FBLN7: variants seen among roughly 807,000 people sequenced by gnomAD.
The protein encoded by FBLN7 is fibulin 7.
FBLN7 carries 31 observed loss-of-function variants against 44.0 expected under a neutral mutation model. The ratio of observed to expected loss-of-function variants is 0.70; its 90% CI spans 0.53 to 0.95. The LOEUF (loss-of-function observed/expected upper bound fraction) is 0.95, where lower values mean the gene tolerates loss of function less well. Among genes scored for constraint, FBLN7 ranks in the 40% least tolerant of loss-of-function variants. FBLN7 has a pLI of 0.00. For missense variants in FBLN7, 573 were observed against 618.5 expected (o/e 0.93, Z 0.78); for synonymous variants, 262 against 253.4 (o/e 1.03, Z -0.32).
chr2:112,182,876 T>C lies in FBLN7; in HGVS notation c.756T>C (p.Arg252=), dbSNP rs139679712. 11 of 1,612,936 alleles carry C rather than the reference T, an allele frequency of 6.8e-6. No homozygotes were observed. The highest frequency in any genetic ancestry group is 9.3e-6 in the Non-Finnish European group (11 of 1,179,856). ...HACVNTPGSY[R]CTCPGGYRTL... is the part of the protein sequence containing the mutation. ...GCGTGAACACCCCGGGCTCTTACCG[T>C]TGCACCTGCCCCGGTGGATACCGAA... The change falls in exon 6 of 8, where the codon CGT becomes CGC. Residue 252 remains arginine (R), a synonymous_variant. Transcript: ENST00000331203.
intron 3 of FBLN7, among the ~76,000 whole-genome samples, chr2:112,165,433 G>T (rs980160294): frequency 4.6e-5 from 7 of 152,174 alleles, no homozygotes; most frequent in Non-Finnish European, 1.0e-4. Flanking sequence ...AGAGGTTCAA[G>T]AACTTGCCTA....
chr2:112,144,772 G>A (rs941271249), intron 1 of FBLN7, among the ~76,000 whole-genome samples: 6 of 152,014 alleles, frequency 3.9e-5, no homozygotes, highest in Admixed American at 2.6e-4. Context: ...TGATCCACCC[G>A]CCTCGGCCTC....
chr2:112,151,034 T>C (rs1681135319), intron 1 of FBLN7, among the ~76,000 whole-genome samples: 1 of 152,130 alleles, frequency 6.6e-6, no homozygotes, highest in African/African-American at 2.4e-5. Context: ...AAGACAACTC[T>C]AGAGGACTCC....
At chr2:112,145,895 G>C (rs1366023200) in intron 1 of FBLN7, among the ~76,000 whole-genome samples, 1 of 152,196 alleles carries the variant, frequency 6.6e-6, no homozygotes, top group Non-Finnish European at 1.5e-5. Context: ...GATTACCGTA[G>C]CTTTACAGTA....
chr2:112,231,332 A>G, the FBLN7 span, among the ~76,000 whole-genome samples: 1 of 152,186 alleles, frequency 6.6e-6, no homozygotes, highest in Admixed American at 6.5e-5. Context: ...CTTAGATTAA[A>G]TTTTTAAGAG....
At chr2:112,181,950 C>A in intron 5 of FBLN7, 74 bp downstream of exon 5, 1 of 1,471,112 alleles carries the variant, frequency 6.8e-7, no homozygotes, top group African/African-American at 1.5e-5. Flanking sequence ...CTCTCACCCA[C>A]CGCCCTCCTG....
intron 1 of FBLN7, among the ~76,000 whole-genome samples, chr2:112,148,398 G>A (rs1680989147): frequency 6.6e-6 from 1 of 152,214 alleles, no homozygotes; most frequent in African/African-American, 2.4e-5. Context: ...GAATCATTCA[G>A]ATCTATTGAT....
downstream of FBLN7, chr2:112,190,552 T>C (rs1002377307): frequency 2.0e-5 from 3 of 152,214 alleles, no homozygotes; most frequent in Non-Finnish European, 2.9e-5. Context: ...CATTATGAAC[T>C]CATGGTTGAA....
At chr2:112,209,037 G>A in the FBLN7 span, among the ~76,000 whole-genome samples, 18 of 152,032 alleles carry the variant, frequency 1.2e-4, 1 homozygote, top group African/African-American at 4.3e-4. Flanking sequence ...CCATTGTATT[G>A]TCCCTTAAAT....
At chr2:112,232,216 T>C in the FBLN7 span, among the ~76,000 whole-genome samples, 2 of 149,412 alleles carry the variant, frequency 1.3e-5, no homozygotes, top group South Asian at 2.1e-4. Flanking sequence ...CTCAGGAGGC[T>C]GAGGCACCAA....
chr2:112,180,774 T>A (rs115611612), intron 4 of FBLN7, among the ~76,000 whole-genome samples: 7,772 of 151,434 alleles, frequency 0.051, 293 homozygotes, highest in South Asian at 0.11. Context: ...TACAAAAAAA[T>A]TTGCCCGGTG....
At chr2:112,182,732 A>G (rs1370637940) in intron 5 of FBLN7, 59 bp from the exon 6 acceptor site, 1 of 1,525,562 alleles carries the variant, frequency 6.6e-7, no homozygotes, top group African/African-American at 1.4e-5. Context: ...GTTCTGGGTC[A>G]CAGCTGGCAA....
chr2:112,216,985 T>C, the FBLN7 span, among the ~76,000 whole-genome samples: 1 of 152,168 alleles, frequency 6.6e-6, no homozygotes, highest in Non-Finnish European at 1.5e-5. Context: ...AATCCACTTA[T>C]CAAAAGAAAA....
At chr2:112,146,568 CT>C (rs758294715) in intron 1 of FBLN7, among the ~76,000 whole-genome samples, 3,544 of 120,130 alleles carry the variant, frequency 0.03, 42 homozygotes, top group African/African-American at 0.055. Flanking sequence ...ATTTTTGAAG[CT>C]TTTTTTTTTT....
At chr2:112,193,266 C>T in the FBLN7 span, among the ~76,000 whole-genome samples, 6 of 152,182 alleles carry the variant, frequency 3.9e-5, no homozygotes, top group African/African-American at 1.2e-4. Context: ...CATGGTGAAA[C>T]TCCATCTCTA....
At chr2:112,243,656 G>C in the FBLN7 span, among the ~76,000 whole-genome samples, 1 of 152,082 alleles carries the variant, frequency 6.6e-6, no homozygotes, top group African/African-American at 2.4e-5. Flanking sequence ...ATCAGTCAAA[G>C]GCTGTGTTGT....
At chr2:112,233,503 A>T in the FBLN7 span, 1 of 639,576 alleles carries the variant, frequency 1.6e-6, no homozygotes, top group Non-Finnish European at 2.7e-6. Flanking sequence ...GCACATTCTA[A>T]CTGTTAATAA....
At chr2:112,155,556 C>T (rs1681369141) in intron 1 of FBLN7, among the ~76,000 whole-genome samples, 1 of 152,216 alleles carries the variant, frequency 6.6e-6, no homozygotes. Context: ...CACCTTCCCT[C>T]GGCAAGTCAG....
chr2:112,217,371 AG>A, the FBLN7 span, among the ~76,000 whole-genome samples: 1 of 152,350 alleles, frequency 6.6e-6, no homozygotes, highest in East Asian at 1.9e-4. Flanking sequence ...TCAAAAAAAA[AG>A]AAAAGCTAAA....
Sources: gnomAD v4.1 joint callset for allele counts (sites outside exome capture counted in the v4.1 genomes callset) on GRCh38, gnomAD v4.1.1 for gene constraint, MANE v1.5 for transcripts, NCBI Gene and HGNC (gene_info 2026-07-23, HGNC 2026-07-21) for gene names.